The following DAP variants were observed in gnomAD, a reference collection of about 807,000 sequenced individuals.
DAP encodes the protein death-associated protein 1.
A neutral mutation model predicts 13.8 loss-of-function variants in DAP; 8 were observed. The ratio of observed to expected loss-of-function variants is 0.58; its 90% CI spans 0.34 to 1.05. The LOEUF (loss-of-function observed/expected upper bound fraction) is 1.05, where lower values mean the gene tolerates loss of function less well. DAP is among the 50% of genes least tolerant of loss of function. The probability of loss-of-function intolerance (pLI) is 0.03; values close to 1 mark genes in which losing one functional copy is unlikely to be tolerated. For missense variants in DAP, 106 were observed against 133.2 expected, an observed-to-expected ratio of 0.80 and a Z score of 1.01; for synonymous variants, 47 against 47.5, an observed-to-expected ratio of 0.99 and a Z score of 0.04.
chr5:10,751,356 C>T (rs941236309), intron 1 of DAP, among the ~76,000 whole-genome samples: 4 of 152,142 alleles, frequency 2.6e-5, no homozygotes, highest in African/African-American at 9.7e-5. Context: ...GTTGGCCTCC[C>T]AATCAGAAAT....
At chr5:10,746,124 G>A (rs1443060694) in intron 2 of DAP, among the ~76,000 whole-genome samples, 1 of 152,116 alleles carries the variant, frequency 6.6e-6, no homozygotes, top group African/African-American at 2.4e-5. Context: ...CTCCTAGGGG[G>A]TACTATGTGG....
intron 2 of DAP, among the ~76,000 whole-genome samples, chr5:10,717,585 C>T (rs116408746): frequency 0.017 from 2,576 of 152,258 alleles, 51 homozygotes; most frequent in African/African-American, 0.055. Context: ...ATAAACCCTG[C>T]GCTGCCTGAG....
intron 2 of DAP, among the ~76,000 whole-genome samples, chr5:10,741,113 G>A (rs529702368): frequency 2.0e-5 from 3 of 152,344 alleles, no homozygotes; most frequent in South Asian, 4.1e-4. Flanking sequence ...CACTATGGGA[G>A]GCTGAGGTAG....
intron 2 of DAP, among the ~76,000 whole-genome samples, chr5:10,728,769 G>A (rs1374330296): frequency 6.6e-6 from 1 of 152,210 alleles, no homozygotes; most frequent in Non-Finnish European, 1.5e-5. Flanking sequence ...AAGGTCTGGA[G>A]AGATACCCCT....
intron 2 of DAP, among the ~76,000 whole-genome samples, chr5:10,701,718 A>G (rs1269709226): frequency 2.0e-5 from 3 of 152,096 alleles, no homozygotes; most frequent in Non-Finnish European, 4.4e-5. Context: ...TATCCCTAGG[A>G]TGATGGTTAT....
chr5:10,758,465 C>A (rs536672352), intron 1 of DAP, among the ~76,000 whole-genome samples: 21 of 151,650 alleles, frequency 1.4e-4, no homozygotes, highest in African/African-American at 5.1e-4. Context: ...TGCTATTGGG[C>A]CCCTCCTCTA....
At chr5:10,725,075 C>A (rs540957924) in intron 2 of DAP, among the ~76,000 whole-genome samples, 20 of 152,342 alleles carry the variant, frequency 1.3e-4, no homozygotes, top group African/African-American at 3.4e-4. Flanking sequence ...CATTTGGAAT[C>A]CCTGGCAAAG....
chr5:10,679,278 G>A lies in DAP; in HGVS notation c.*1778C>T, dbSNP rs995371139. 1 of 152,372 alleles carries A rather than the reference G, an allele frequency of 6.6e-6. No homozygotes were observed. Among genetic ancestry groups the A allele is most frequent in the African/African-American group, 2.4e-5 (1 of 41,452 alleles). 9.4% of individuals were successfully genotyped at this position (152,372 alleles called of 1,614,324 possible). ...TTATAAATCATTTAATATTCTTGAA[G>A]TTAACAACTGATAAACTCATTTAGG... On this transcript the variant is annotated 3_prime_UTR_variant, in exon 4 of 4. Coordinates refer to ENST00000230895, the MANE Select transcript of DAP (RefSeq NM_004394.3).
At chr5:10,717,229 T>C (rs1739012812) in intron 2 of DAP, among the ~76,000 whole-genome samples, 1 of 152,208 alleles carries the variant, frequency 6.6e-6, no homozygotes, top group South Asian at 2.1e-4. Context: ...ACCTCAAATC[T>C]GCTAAGATTG....
intron 2 of DAP, among the ~76,000 whole-genome samples, chr5:10,699,206 ATCTG>A (rs1158564374): frequency 3.3e-5 from 5 of 150,814 alleles, no homozygotes; most frequent in Admixed American, 2.0e-4. Flanking sequence ...CTACTTACCT[ATCTG>A]TCTGTCTGTC....
chr5:10,711,819 CAT>C (rs1287344117), intron 2 of DAP, among the ~76,000 whole-genome samples: 2 of 152,200 alleles, frequency 1.3e-5, no homozygotes, highest in Admixed American at 1.3e-4. Flanking sequence ...TGAAAAATGA[CAT>C]GTGTCTAGCA....
chr5:10,695,633 C>T (rs1467227510), intron 2 of DAP, among the ~76,000 whole-genome samples: 5 of 152,216 alleles, frequency 3.3e-5, no homozygotes, highest in African/African-American at 9.7e-5. Context: ...TCAAATCCTT[C>T]AGTGAAGAGG....
chr5:10,729,126 A>G (rs887663368), intron 2 of DAP, among the ~76,000 whole-genome samples: 5 of 152,196 alleles, frequency 3.3e-5, no homozygotes, highest in African/African-American at 1.2e-4. Flanking sequence ...TTTCCCACAA[A>G]GAGTGTAGGT....
chr5:10,686,963 T>C lies in DAP; in HGVS notation c.153-3392A>G, dbSNP rs527614792. ...CAGGCTGACTCTTAGTAGGGACTAA[T>C]GCAGCTGATGACTTTAATTTGAAGC... On this transcript the variant is annotated intron_variant, in intron 2 of 3. Coordinates refer to ENST00000230895, the MANE Select transcript of DAP (RefSeq NM_004394.3). Among the ~76,000 whole-genome samples the C allele has an allele frequency of 2.0e-5, 3 of 152,366 alleles. No homozygotes were observed. In the South Asian group the frequency reaches 6.2e-4, roughly 32 times the overall value.
intron 2 of DAP, 63 bp from the exon 3 acceptor site, chr5:10,683,634 C>T (rs1234058480): frequency 1.3e-6 from 2 of 1,525,026 alleles, no homozygotes; most frequent in Non-Finnish European, 1.8e-6. Flanking sequence ...AACACGGTGG[C>T]AGACGATGTG....
intron 2 of DAP, among the ~76,000 whole-genome samples, chr5:10,687,171 A>C (rs1004236196): frequency 1.3e-5 from 2 of 152,190 alleles, no homozygotes; most frequent in African/African-American, 2.4e-5. Context: ...GATTCCTTTC[A>C]AAGTATTACT....
chr5:10,747,825 C>A (rs1430742740), intron 2 of DAP, among the ~76,000 whole-genome samples: 7 of 152,198 alleles, frequency 4.6e-5, no homozygotes, highest in African/African-American at 7.2e-5. Flanking sequence ...CTTGGCTTGG[C>A]TTGCCCTGGC....
At chr5:10,743,524 T>C (rs1209596061) in intron 2 of DAP, among the ~76,000 whole-genome samples, 1 of 152,218 alleles carries the variant, frequency 6.6e-6, no homozygotes, top group Non-Finnish European at 1.5e-5. Context: ...AACCCGTTCT[T>C]TTCTGGTTTA....
At chr5:10,746,000 C>T (rs369009327) in intron 2 of DAP, among the ~76,000 whole-genome samples, 2 of 152,214 alleles carry the variant, frequency 1.3e-5, no homozygotes, top group South Asian at 2.1e-4. Flanking sequence ...TGAAGTGACA[C>T]TAGTCCCTAA....
Sources: gnomAD v4.1 joint callset for allele counts (sites outside exome capture counted in the v4.1 genomes callset) on GRCh38, gnomAD v4.1.1 for gene constraint, MANE v1.5 for transcripts, NCBI Gene and HGNC (gene_info 2026-07-23, HGNC 2026-07-21) for gene names.